PTPRD: variants seen among roughly 807,000 people sequenced by gnomAD.
PTPRD encodes the protein receptor-type tyrosine-protein phosphatase delta.
In PTPRD, 34 loss-of-function variants were observed where a neutral mutation model predicts 214.5. The ratio of observed to expected loss-of-function variants is 0.16; its 90% CI spans 0.12 to 0.21. PTPRD has a LOEUF of 0.21. Among genes scored for constraint, PTPRD ranks in the 10% least tolerant of loss-of-function variants. The pLI, the probability that PTPRD is intolerant of heterozygous loss-of-function variation, is 1.00. For synonymous variants in PTPRD, 1,128 were observed against 845.7 expected, an observed-to-expected ratio of 1.33 and a Z score of -5.79; for missense variants, 2,545 against 2,398.7, an observed-to-expected ratio of 1.06 and a Z score of -1.27.
chr9:9,631,327 C>G (rs887644336), intron 7 of PTPRD, among the ~76,000 whole-genome samples: 16 of 151,706 alleles, frequency 1.1e-4, no homozygotes, highest in African/African-American at 3.9e-4. Flanking sequence ...AAATATGCAG[C>G]AAGATACAGC....
intron 2 of PTPRD, among the ~76,000 whole-genome samples, chr9:10,416,212 G>C (rs894329028): frequency 1.1e-4 from 17 of 151,512 alleles, no homozygotes; most frequent in African/African-American, 4.1e-4. Flanking sequence ...GAAAAAATTA[G>C]CCAGGCATGG....
rs201584976 is a variant in PTPRD, at chr9:9,752,201, TG to T, written c.-326+14608del. On this transcript the variant is annotated intron_variant, in intron 6 of 45. Transcript: ENST00000381196. ...TAAATTGAAGTTTGGGGATTATCTG[TG>T]AATTTAAAGTATCTATGCCATTTTG... Among the ~76,000 whole-genome samples, 993 of 152,190 alleles carry T rather than the reference TG, an allele frequency of 6.5e-3. 4 individuals are homozygous for T. The highest frequency in any genetic ancestry group is 0.011 in the Non-Finnish European group (734 of 67,948).
intron 11 of PTPRD, among the ~76,000 whole-genome samples, chr9:8,770,724 T>C (rs2095141051): frequency 6.6e-6 from 1 of 152,192 alleles, no homozygotes; most frequent in Admixed American, 6.5e-5. Flanking sequence ...GTTCCACTAA[T>C]TATCTGAAGT....
intron 10 of PTPRD, among the ~76,000 whole-genome samples, chr9:9,037,883 G>C (rs1820724907): frequency 6.6e-6 from 1 of 152,210 alleles, no homozygotes; most frequent in African/African-American, 2.4e-5. Flanking sequence ...TACGTGAGCA[G>C]GGACTTGGGA....
At position 10,133,796 on chromosome 9, in the gene PTPRD, A is replaced by G. The variant is rs554509250; in HGVS notation, c.-544-100006T>C. On this transcript the variant is annotated intron_variant, in intron 3 of 45. Coordinates refer to ENST00000381196, the MANE Select transcript of PTPRD (RefSeq NM_002839.4). Reference sequence around the variant, plus strand: ...TTTAATTAATGCTATACTAACATTTATTTGAAAAATACATGATCTGGAAAG... The same window carrying G: ...TTTAATTAATGCTATACTAACATTTGTTTGAAAAATACATGATCTGGAAAG... Among the ~76,000 whole-genome samples the G allele has an allele frequency of 5.9e-5, 9 of 152,282 alleles. No homozygotes were observed. The East Asian group carries it at 1.7e-3, about 29-fold the overall frequency.
intron 3 of PTPRD, among the ~76,000 whole-genome samples, chr9:10,180,162 T>TA (rs1421964112): frequency 6.6e-6 from 1 of 152,084 alleles, no homozygotes; most frequent in Non-Finnish European, 1.5e-5. Context: ...AACATATGTT[T>TA]AAAAAATATC....
At chr9:10,037,106 G>T (rs1442018402) in intron 3 of PTPRD, among the ~76,000 whole-genome samples, 1 of 150,858 alleles carries the variant, frequency 6.6e-6, no homozygotes, top group Non-Finnish European at 1.5e-5. Context: ...GCCCAGAATG[G>T]TCTCGGACTC....
Position 8,485,846 on chromosome 9 carries a change from C to A in PTPRD, c.2971G>T (p.Asp991Tyr), listed in dbSNP as rs146684382. The A allele has an allele frequency of 1.2e-6, 2 of 1,614,136 alleles. No individual in the cohort carries two copies. The highest frequency in any genetic ancestry group is 2.2e-5 in the East Asian group (1 of 44,858). ...CTCGTATGAGCACGTACTTTTACAT[C>A]GTATGTGGTATCTGGTTTTAAGCCA... ...LTGLKPDTTY[D>Y]VKVRAHTSKG... The change falls in exon 28 of 46, where the codon GAT becomes TAT. Residue 991 changes from aspartate (D) to tyrosine (Y), a missense_variant. Asp to Tyr is a radical substitution (Grantham distance 160, BLOSUM62 -3). Coordinates refer to ENST00000381196, the MANE Select transcript of PTPRD (RefSeq NM_002839.4).
intron 2 of PTPRD, among the ~76,000 whole-genome samples, chr9:10,451,368 C>T (rs1320018373): frequency 1.3e-5 from 2 of 151,796 alleles, no homozygotes; most frequent in Non-Finnish European, 2.9e-5. Context: ...ATAATGTCAT[C>T]ATTCTGTTTT....
intron 5 of PTPRD, among the ~76,000 whole-genome samples, chr9:9,840,262 A>C (rs554315309): frequency 2.4e-4 from 37 of 151,058 alleles, no homozygotes; most frequent in African/African-American, 9.0e-4. Context: ...CGATCCTCCC[A>C]CCTCCTAAAG....
At chr9:8,624,142 C>T (rs972130939) in intron 14 of PTPRD, among the ~76,000 whole-genome samples, 1 of 151,696 alleles carries the variant, frequency 6.6e-6, no homozygotes, top group African/African-American at 2.4e-5. Flanking sequence ...ACTACCTGGA[C>T]CTACCTAATG....
At chr9:8,893,655 A>T (rs1190022350) in intron 11 of PTPRD, among the ~76,000 whole-genome samples, 1 of 152,200 alleles carries the variant, frequency 6.6e-6, no homozygotes, top group Non-Finnish European at 1.5e-5. Context: ...TCATACTTCC[A>T]GGTATGCAGT....
intron 7 of PTPRD, among the ~76,000 whole-genome samples, chr9:9,725,577 T>C (rs1326188928): frequency 6.6e-6 from 1 of 152,160 alleles, no homozygotes. Flanking sequence ...GCTTAATAAG[T>C]TGGTTCTCCT....
At chr9:8,664,452 T>C (rs17652834) in intron 12 of PTPRD, among the ~76,000 whole-genome samples, 14,722 of 152,202 alleles carry the variant, frequency 0.097, 833 homozygotes, top group South Asian at 0.13. Context: ...TGGGTACAAA[T>C]ACAAGGCAAG....
rs1387938675 is a variant in PTPRD at position 9,606,334 on chromosome 9, CATTATA to C, written c.-286-31559_-286-31554del. Among the ~76,000 whole-genome samples, 4 of 152,174 alleles carry C rather than the reference CATTATA, an allele frequency of 2.6e-5. No homozygotes were observed. In the East Asian group the frequency reaches 7.7e-4, roughly 29 times the overall value. ...ATATTATCATTTTCTGGTTCTATCT[CATTATA>C]ATTAGCTTGGTCTTAAAACAACAGC... is the stretch of plus-strand genomic sequence containing the variant. On this transcript the variant is annotated intron_variant, in intron 7 of 45. Transcript: ENST00000381196.
At chr9:9,392,490 C>G (rs1248749086) in intron 9 of PTPRD, among the ~76,000 whole-genome samples, 1 of 152,074 alleles carries the variant, frequency 6.6e-6, no homozygotes, top group Non-Finnish European at 1.5e-5. Flanking sequence ...TACCACGGTC[C>G]TTCTGTTGTC....
At chr9:9,766,673 A>G (rs1292231427) in intron 6 of PTPRD, 137 bp downstream of exon 6, 2 of 152,144 alleles carry the variant, frequency 1.3e-5, no homozygotes, top group African/African-American at 4.8e-5. Flanking sequence ...TTTTCTCACT[A>G]TTACATATTA....
At chr9:10,425,625 T>A (rs936409012) in intron 2 of PTPRD, among the ~76,000 whole-genome samples, 1 of 152,024 alleles carries the variant, frequency 6.6e-6, no homozygotes, top group African/African-American at 2.4e-5. Flanking sequence ...TCTGTTGTTT[T>A]TCCACAAGTA....
intron 8 of PTPRD, among the ~76,000 whole-genome samples, chr9:9,426,382 G>C (rs1015235055): frequency 6.6e-6 from 1 of 152,214 alleles, no homozygotes; most frequent in African/African-American, 2.4e-5. Context: ...CATTGCTGAG[G>C]CTTGAGTAGG....
Sources: allele counts gnomAD v4.1 joint callset (sites outside exome capture counted in the v4.1 genomes callset), GRCh38; gene constraint gnomAD v4.1.1; transcripts MANE v1.5; gene names NCBI Gene and HGNC (gene_info 2026-07-23, HGNC 2026-07-21).